Variants in DIP2C observed in about 807,000 individuals in gnomAD.
DIP2C encodes the protein disco-interacting protein 2 homolog C.
A neutral mutation model predicts 192.4 loss-of-function variants in DIP2C; 33 were observed. That is an observed-to-expected ratio of 0.17 (90% CI 0.13 to 0.23). The LOEUF is 0.23. Ranked by LOEUF, DIP2C falls within the 10% of genes least tolerant of loss-of-function variation. The pLI, the probability that DIP2C is intolerant of heterozygous loss-of-function variation, is 1.00. For synonymous variants in DIP2C, 979 were observed against 864.1 expected (o/e 1.13, Z -2.33); for missense variants, 1,537 against 2,110.1 (o/e 0.73, Z 5.32).
chr10:591,717 AACC>A (rs1167008976), intron 1 of DIP2C, among the ~76,000 whole-genome samples: 2 of 152,198 alleles, frequency 1.3e-5, no homozygotes, highest in African/African-American at 4.8e-5. Context: ...TGAAGGCAGG[AACC>A]ACCAAGGTAA....
chr10:419,034 G>A, intron 6 of DIP2C, 31 bp downstream of exon 6: 1 of 1,614,006 alleles, frequency 6.2e-7, no homozygotes, highest in South Asian at 1.1e-5. Context: ...CCGTTTACCA[G>A]AAAAAAACGC....
chr10:461,855 T>C (rs556090588), intron 3 of DIP2C, among the ~76,000 whole-genome samples: 52 of 152,242 alleles, frequency 3.4e-4, no homozygotes, highest in African/African-American at 1.3e-3. Context: ...GCAATCAAAT[T>C]AGAACTCACA....
At chr10:456,794 T>TC (rs1434254328) in intron 3 of DIP2C, among the ~76,000 whole-genome samples, 3 of 152,220 alleles carry the variant, frequency 2.0e-5, no homozygotes, top group Non-Finnish European at 4.4e-5. Context: ...ACCGTTTCGT[T>TC]CTTTGGTAAA....
At chr10:549,050 G>C (rs887450748) in intron 1 of DIP2C, among the ~76,000 whole-genome samples, 4 of 151,618 alleles carry the variant, frequency 2.6e-5, no homozygotes, top group African/African-American at 9.7e-5. Flanking sequence ...ATTCTAGTTA[G>C]TCAGAATTAA....
At chr10:672,809 A>C (rs1830713719) in intron 1 of DIP2C, among the ~76,000 whole-genome samples, 1 of 152,196 alleles carries the variant, frequency 6.6e-6, no homozygotes, top group African/African-American at 2.4e-5. Context: ...TTTCTGATGA[A>C]ACTAAACCCT....
chr10:530,445 G>C (rs552419604), intron 1 of DIP2C, among the ~76,000 whole-genome samples: 1 of 152,216 alleles, frequency 6.6e-6, no homozygotes, highest in African/African-American at 2.4e-5. Context: ...CCAAGGTCGT[G>C]ACACCCCAGT....
chr10:465,351 A>G (rs1970117511), intron 3 of DIP2C, among the ~76,000 whole-genome samples: 1 of 148,058 alleles, frequency 6.8e-6, no homozygotes, highest in Non-Finnish European at 1.5e-5. Flanking sequence ...TTCATGCTAA[A>G]AACTCTCAAT....
intron 29 of DIP2C, among the ~76,000 whole-genome samples, chr10:338,331 C>T (rs555660630): frequency 2.0e-4 from 31 of 152,278 alleles, no homozygotes; most frequent in African/African-American, 6.7e-4. Flanking sequence ...GTGTCCTGGC[C>T]TCACGTTCAG....
chr10:297,942 C>A (rs1348545110), intron 32 of DIP2C, among the ~76,000 whole-genome samples: 3 of 152,176 alleles, frequency 2.0e-5, no homozygotes, highest in Admixed American at 6.5e-5. Context: ...GTTAAAAATA[C>A]ACTTTTTAGG....
At chr10:533,396 G>A (rs961047280) in intron 1 of DIP2C, among the ~76,000 whole-genome samples, 1 of 152,076 alleles carries the variant, frequency 6.6e-6, no homozygotes, top group African/African-American at 2.4e-5. Flanking sequence ...GCACAGCCCG[G>A]GCACCATAAC....
At chr10:522,304 C>T (rs570594066) in intron 1 of DIP2C, among the ~76,000 whole-genome samples, 151 of 152,354 alleles carry the variant, frequency 9.9e-4, no homozygotes, top group Non-Finnish European at 1.8e-3. Context: ...TTCTGATGTA[C>T]CACAGTTTAT....
At chr10:570,310 AG>A (rs1405090086) in intron 1 of DIP2C, among the ~76,000 whole-genome samples, 1 of 152,158 alleles carries the variant, frequency 6.6e-6, no homozygotes, top group Non-Finnish European at 1.5e-5. Flanking sequence ...ATCAGGAAAC[AG>A]TTTTAAAGAG....
At chr10:338,913 G>A (rs145506764) in intron 29 of DIP2C, among the ~76,000 whole-genome samples, 137 of 141,866 alleles carry the variant, frequency 9.7e-4, no homozygotes, top group African/African-American at 3.5e-3. Context: ...CACAGCCCAC[G>A]CCACCTGCAC....
At chr10:595,401 C>G (rs987237947) in intron 1 of DIP2C, among the ~76,000 whole-genome samples, 3 of 151,956 alleles carry the variant, frequency 2.0e-5, no homozygotes, top group African/African-American at 7.2e-5. Context: ...TAAAATATGA[C>G]CACAACCTTT....
At chr10:492,894 C>G (rs765352937) in intron 1 of DIP2C, among the ~76,000 whole-genome samples, 8 of 152,222 alleles carry the variant, frequency 5.3e-5, no homozygotes, top group Non-Finnish European at 1.0e-4. Flanking sequence ...GAAGTTCACA[C>G]CACCGCAGTG....
intron 1 of DIP2C, among the ~76,000 whole-genome samples, chr10:547,517 A>G (rs1164582732): frequency 6.6e-6 from 1 of 152,240 alleles, no homozygotes; most frequent in Non-Finnish European, 1.5e-5. Context: ...GCAGGCAGAC[A>G]GTGAGGTACC....
intron 8 of DIP2C, among the ~76,000 whole-genome samples, chr10:413,537 T>G (rs1376822942): frequency 1.3e-5 from 2 of 152,246 alleles, no homozygotes; most frequent in East Asian, 3.9e-4. Context: ...AACAAATAAC[T>G]TTTTATATTG....
chr10:280,770 T>C (rs1589374917), intron 36 of DIP2C, among the ~76,000 whole-genome samples: 1 of 152,250 alleles, frequency 6.6e-6, no homozygotes, highest in South Asian at 2.1e-4. Context: ...AAGTCTCTTC[T>C]GGGGTCTGGA....
intron 1 of DIP2C, among the ~76,000 whole-genome samples, chr10:523,524 C>CGGA (rs1846860211): frequency 4.0e-4 from 57 of 141,638 alleles, no homozygotes; most frequent in Middle Eastern, 4.6e-3. Context: ...TCGTTTCTAC[C>CGGA]TGAGCAAAGG....
Sources: allele counts gnomAD v4.1 joint callset (sites outside exome capture counted in the v4.1 genomes callset), GRCh38; gene constraint gnomAD v4.1.1; transcripts MANE v1.5; gene names NCBI Gene and HGNC (gene_info 2026-07-23, HGNC 2026-07-21).